SV2C: variants seen among roughly 807,000 people sequenced by gnomAD.
SV2C encodes synaptic vesicle glycoprotein 2C, also known as solute carrier family 22 member B3.
Under a neutral mutation model 79.7 loss-of-function variants are expected in SV2C, and 49 were observed. That is an observed-to-expected ratio of 0.61 (90% CI 0.49 to 0.78). The LOEUF is 0.78. Among genes scored for constraint, SV2C ranks in the 30% least tolerant of loss-of-function variants. The pLI is 0.00. For missense variants in SV2C, 833 were observed against 912.9 expected (o/e 0.91, Z 1.13); for synonymous variants, 334 against 333.2 (o/e 1.00, Z -0.03).
At chr5:76,093,936 C>G (rs1051276673) in intron 1 of SV2C, among the ~76,000 whole-genome samples, 46 of 152,118 alleles carry the variant, frequency 3.0e-4, no homozygotes, top group African/African-American at 1.0e-3. Context: ...TTGCCCTATT[C>G]ATTACTGTCT....
the SV2C span, among the ~76,000 whole-genome samples, chr5:75,941,909 T>G: frequency 3.3e-5 from 5 of 152,216 alleles, no homozygotes; most frequent in African/African-American, 7.2e-5. Context: ...GAGAAAGGAA[T>G]GCTGCACAGA....
intron 2 of SV2C, among the ~76,000 whole-genome samples, chr5:76,137,341 C>G (rs550723523): frequency 6.6e-6 from 1 of 152,272 alleles, no homozygotes; most frequent in Admixed American, 6.5e-5. Context: ...GAATCGGAAG[C>G]ATTTCTGGAA....
At chr5:75,873,360 C>G in the SV2C span, among the ~76,000 whole-genome samples, 1 of 151,686 alleles carries the variant, frequency 6.6e-6, no homozygotes, top group Admixed American at 6.6e-5. Flanking sequence ...TAGAATAAAA[C>G]ACATCTAATA....
At chr5:76,067,376 CTT>C in the SV2C span, among the ~76,000 whole-genome samples, 2 of 151,628 alleles carry the variant, frequency 1.3e-5, no homozygotes, top group African/African-American at 4.8e-5. Flanking sequence ...AAAAAAGTCT[CTT>C]TGTTATTTAG....
the SV2C span, among the ~76,000 whole-genome samples, chr5:75,900,274 C>T: frequency 1.3e-5 from 2 of 152,140 alleles, no homozygotes; most frequent in Non-Finnish European, 2.9e-5. Flanking sequence ...GACAAAATCT[C>T]TCAGCATTTG....
At chr5:76,338,626 C>G (rs1199411197), downstream of SV2C, among the ~76,000 whole-genome samples, 1 of 151,406 alleles carries the variant, frequency 6.6e-6, no homozygotes, top group Non-Finnish European at 1.5e-5. Context: ...CAGTAGAAGA[C>G]AACCATAGTA....
At chr5:76,299,054 C>T (rs1161068531) in intron 10 of SV2C, 127 bp downstream of exon 10, 13 of 1,148,458 alleles carry the variant, frequency 1.1e-5, no homozygotes, top group Non-Finnish European at 1.3e-5. Flanking sequence ...GGAACAAGTT[C>T]TCTAAATCAG....
At chr5:75,975,825 G>A in the SV2C span, among the ~76,000 whole-genome samples, 2 of 152,134 alleles carry the variant, frequency 1.3e-5, no homozygotes, top group Non-Finnish European at 2.9e-5. Flanking sequence ...GAAGAGCACC[G>A]AAGCTCAGGC....
chr5:76,174,268 C>A, intron 2 of SV2C: 13 of 1,386,336 alleles, frequency 9.4e-6, no homozygotes, highest in Non-Finnish European at 1.3e-5. Context: ...CCGTGCTCCC[C>A]GCGGGTCGCT....
chr5:76,228,066 CTCTT>C (rs1345440309), intron 4 of SV2C, among the ~76,000 whole-genome samples: 1 of 151,502 alleles, frequency 6.6e-6, no homozygotes, highest in Admixed American at 6.6e-5. Flanking sequence ...CTCTCTCTCT[CTCTT>C]TCTCTCTCTT....
At chr5:76,163,414 T>C (rs75479883) in intron 2 of SV2C, among the ~76,000 whole-genome samples, 157 of 152,358 alleles carry the variant, frequency 1.0e-3, no homozygotes, top group African/African-American at 3.7e-3. Context: ...CTAATCTCTC[T>C]TCTAATCAAT....
At chr5:76,174,522 G>T (rs537358572) in intron 2 of SV2C, among the ~76,000 whole-genome samples, 14 of 152,316 alleles carry the variant, frequency 9.2e-5, no homozygotes, top group Middle Eastern at 3.4e-3. Context: ...CTTTGCCATG[G>T]CACTGCCACT....
the SV2C span, among the ~76,000 whole-genome samples, chr5:75,858,795 C>A: frequency 6.6e-6 from 1 of 152,070 alleles, no homozygotes; most frequent in East Asian, 1.9e-4. Flanking sequence ...ATTGGTCTTT[C>A]AGGTTTTGGA....
the SV2C span, among the ~76,000 whole-genome samples, chr5:76,053,112 C>A: frequency 6.3e-4 from 88 of 139,488 alleles, no homozygotes; most frequent in African/African-American, 7.4e-4. Context: ...CAATATGGGC[C>A]AAAAAAAAAA....
the SV2C span, among the ~76,000 whole-genome samples, chr5:75,902,211 G>C: frequency 3.3e-5 from 5 of 152,316 alleles, no homozygotes; most frequent in Non-Finnish European, 5.9e-5. Flanking sequence ...GACCGGAGCT[G>C]TTCCTATTCG....
At chr5:76,123,422 C>CAAAA (rs1384660536) in intron 1 of SV2C, among the ~76,000 whole-genome samples, 2 of 151,956 alleles carry the variant, frequency 1.3e-5, no homozygotes, top group African/African-American at 4.8e-5. Flanking sequence ...GAGACACAAC[C>CAAAA]AAAAAAGAGA....
intron 4 of SV2C, among the ~76,000 whole-genome samples, chr5:76,243,585 A>AC (rs1745860587): frequency 6.6e-6 from 1 of 152,152 alleles, no homozygotes; most frequent in South Asian, 2.1e-4. Flanking sequence ...CCTGCTGCAT[A>AC]CACCCTTGGA....
chr5:76,302,593 G>A (rs1338768796), intron 12 of SV2C, among the ~76,000 whole-genome samples: 29 of 130,102 alleles, frequency 2.2e-4, no homozygotes, highest in African/African-American at 7.9e-4. Context: ...TCATGCCACT[G>A]CACTCCAGTC....
intron 2 of SV2C, among the ~76,000 whole-genome samples, chr5:76,188,847 A>G (rs1744006257): frequency 6.6e-6 from 1 of 152,084 alleles, no homozygotes; most frequent in South Asian, 2.1e-4. Context: ...TCAGCCTTCT[A>G]TGGACTCTGA....
Sources: gnomAD v4.1 joint callset for allele counts (sites outside exome capture counted in the v4.1 genomes callset) on GRCh38, gnomAD v4.1.1 for gene constraint, MANE v1.5 for transcripts, NCBI Gene and HGNC (gene_info 2026-07-23, HGNC 2026-07-21) for gene names.